Variants in PSG4 observed in about 807,000 individuals in gnomAD.
PSG4 encodes pregnancy specific beta-1-glycoprotein 4, also known as pregnancy-specific beta-1-glycoprotein 4.
Under a neutral mutation model 44.3 loss-of-function variants are expected in PSG4, and 61 were observed. That is an observed-to-expected ratio of 1.38 (90% CI 1.12 to 1.70). The LOEUF (loss-of-function observed/expected upper bound fraction) is 1.70. Among genes scored for constraint, PSG4 ranks in the 40% most tolerant of loss-of-function variants. The probability of loss-of-function intolerance (pLI) is 0.00; values close to 1 mark genes in which losing one functional copy is unlikely to be tolerated. For synonymous variants in PSG4, 248 were observed against 191.3 expected (o/e 1.30, Z -2.45); for missense variants, 677 against 511.7 (o/e 1.32, Z -3.12).
chr19:43,193,698 C>A (rs1286181018), intron 5 of PSG4: 1 of 542,356 alleles, frequency 1.8e-6, no homozygotes, highest in Non-Finnish European at 3.3e-6. Flanking sequence ...AATAGGAAGC[C>A]AAACCAAGGC....
intron 2 of PSG4, chr19:43,203,581 T>G: frequency 2.6e-6 from 1 of 388,766 alleles, no homozygotes; most frequent in Non-Finnish European, 4.3e-6. Context: ...TCCAGGGTCT[T>G]TGTCAGCGTC....
rs137864736 is a variant in PSG4 at position 43,202,462 on chromosome 19, T to C, written c.430+1424A>G. On this transcript the variant is annotated intron_variant, in intron 2 of 5. Coordinates refer to ENST00000405312, the MANE Select transcript of PSG4 (RefSeq NM_002780.5). ...GGACAGGTGTGGCTAGAACCTCCTA[T>C]GATTCTGCATCCAACATCCAGTCTC... is the stretch of plus-strand genomic sequence containing the variant. Among the ~76,000 whole-genome samples the C allele has an allele frequency of 2.9e-4, 41 of 139,438 alleles. 6 individuals are homozygous for C. In the East Asian group the frequency reaches 9.8e-3, roughly 33 times the overall value. 91.5% of individuals were successfully genotyped at this position (139,438 alleles called of 152,430 possible).
chr19:43,195,018 T>A lies in PSG4; in HGVS notation c.965A>T (p.Asp322Val). ...IRDRYGGIRS[D>V]PVTLNVLYGP... is the part of the protein sequence containing the mutation. ...ACAGAGGACATTCAGGGTGACTGGG[T>A]CACTGCGGATGCCACCATATCGGTC... is the stretch of plus-strand genomic sequence containing the variant. The change falls in exon 4 of 6, where the codon GAC becomes GTC. Residue 322 changes from aspartate to valine, a missense_variant. Transcript: ENST00000405312. 6.2e-7 allele frequency: 1 copy of A among 1,611,910 alleles called. No homozygotes were observed. Among genetic ancestry groups the A allele is most frequent in the Non-Finnish European group, 8.5e-7 (1 of 1,178,992 alleles).
rs1487200268 is a variant in PSG4 at position 43,204,845 on chromosome 19, T to C, written c.65-594A>G. On this transcript the variant is annotated intron_variant, in intron 1 of 5. Transcript: ENST00000405312. ...GATGTTTCTTTTTCCCCCCAATTGT[T>C]GAGGTTTCTTGCTGAGGACAGTGTT... 17 of 426,946 alleles carry C rather than the reference T, an allele frequency of 4.0e-5. 2 individuals carry two copies. The highest frequency in any genetic ancestry group is 2.6e-4 in the African/African-American group (11 of 42,444). The allele number at this position is 426,946 out of a possible 1,614,324, so 26.4% of individuals were successfully genotyped here. A position where few individuals can be genotyped will look rare whatever the true frequency, so the allele number is the denominator to read the frequency against.
At chr19:43,203,606 G>A (rs1361657263) in intron 2 of PSG4, 2 of 476,028 alleles carry the variant, frequency 4.2e-6, no homozygotes, top group Middle Eastern at 6.2e-4. Context: ...TTATGAAGAG[G>A]GCATGAGGTG....
chr19:43,196,248 T>A (rs1404704302), intron 3 of PSG4, among the ~76,000 whole-genome samples: 2 of 151,608 alleles, frequency 1.3e-5, no homozygotes, highest in Non-Finnish European at 2.9e-5. Flanking sequence ...TGGGTTCGAC[T>A]ACTCTAGGGA....
In PSG4 at chr19:43,204,822, TG is replaced by T. The variant is rs201880502; in HGVS notation, c.65-572del. On this transcript the variant is annotated intron_variant, in intron 1 of 5. Transcript: ENST00000405312. Reference sequence around the variant, plus strand: ...GTTCTCAGGGTCTCCACCCTCTGGATGTTTCTTTTTCCCCCCAATTGTTGAG... The same window carrying T: ...GTTCTCAGGGTCTCCACCCTCTGGATTTTCTTTTTCCCCCCAATTGTTGAG... 2,180 of 360,312 alleles carry T rather than the reference TG, an allele frequency of 6.1e-3. 335 individuals are homozygous for T. The African/African-American group carries it at 0.09, about 15-fold the overall frequency. The allele number at this position is 360,312 out of a possible 1,614,324, so 22.3% of individuals were successfully genotyped here. A position where few individuals can be genotyped will look rare whatever the true frequency, so the allele number is the denominator to read the frequency against.
chr19:43,204,106 C>T lies in PSG4; in HGVS notation c.210G>A (p.Gly70=), dbSNP rs781475457. 1 of 1,586,912 alleles carries T rather than the reference C, an allele frequency of 6.3e-7. No individual in the cohort carries two copies. Among genetic ancestry groups the T allele is most frequent in the Non-Finnish European group, 8.5e-7 (1 of 1,171,396 alleles). Residue 70 remains glycine, a synonymous_variant, in exon 2 of 6, where the codon GGG becomes GGA. Transcript: ENST00000405312. ...TGTAATGGTAGAGGTATGTCATTTG[C>T]CCTTTGTACCAAATGTAGCCAGCAA... ...QNLAGYIWYK[G]QMTYLYHYIT...
Position 43,195,103 on chromosome 19 carries a change from T to A in PSG4, c.880A>T (p.Ile294Phe), listed in dbSNP as rs1967180585. 1 of 1,610,788 alleles carries A rather than the reference T, an allele frequency of 6.2e-7. No individual in the cohort carries two copies. The highest frequency in any genetic ancestry group is 1.1e-5 in the South Asian group (1 of 90,974). ...PRVKRPIENR[I>F]LILPNVTRNE... ...CTCGTGACATTGGGTAGAATGAGGA[T>A]CCTGTTTTCAATGGGTCGCTTTACC... The change falls in exon 4 of 6, where the codon ATC becomes TTC. Residue 294 changes from isoleucine (I) to phenylalanine (F), a missense_variant. By Grantham distance (21) the Ile-to-Phe change is conservative (BLOSUM62 0). Coordinates refer to ENST00000405312, the MANE Select transcript of PSG4 (RefSeq NM_002780.5).
intron 3 of PSG4, 182 bp downstream of exon 3, chr19:43,197,815 C>T (rs1274611765): frequency 1.6e-6 from 2 of 1,249,202 alleles, no homozygotes; most frequent in Non-Finnish European, 2.2e-6. Context: ...AGCCTCTTTT[C>T]TCCTATTGTG....
Position 43,194,579 on chromosome 19 carries a change from G to A in PSG4, c.1004C>T (p.Pro335Leu). 6.2e-7 allele frequency: 1 copy of A among 1,611,576 alleles called. No individual in the cohort carries two copies. The highest frequency in any genetic ancestry group is 8.5e-7 in the Non-Finnish European group (1 of 1,178,604). ...TLNVLYGPDL[P>L]SIYPSFTYYR... is the part of the protein sequence containing the mutation. ...ATAGGTGAATGAAGGGTAAATGCTG[G>A]GGAGGTCTGGACCATCTGGCGCAAA... Residue 335 changes from proline to leucine, a missense_variant, in exon 5 of 6, where the codon CCC (proline) becomes CTC (leucine). Coordinates refer to ENST00000405312, the MANE Select transcript of PSG4 (RefSeq NM_002780.5).
rs1967074697 is a variant in PSG4, at chr19:43,192,780, G to A, written c.*592C>T. 1 of 186,674 alleles carries A rather than the reference G, an allele frequency of 5.4e-6. No homozygotes were observed. The highest frequency in any genetic ancestry group is 1.3e-4 in the South Asian group (1 of 7,708). The allele number at this position is 186,674 out of a possible 1,614,324, so 11.6% of individuals were successfully genotyped here. ...TTTACACTGTATCTCTTAGGAAATG[G>A]TGAGAGCCATCCACACAATGTGCAT... On this transcript the variant is annotated 3_prime_UTR_variant, in exon 6 of 6. Transcript: ENST00000405312.
rs1477930565 is a variant in PSG4 at position 43,193,215 on chromosome 19, TG to T, written c.*156del. On this transcript the variant is annotated 3_prime_UTR_variant, in exon 6 of 6. Coordinates refer to ENST00000405312, the MANE Select transcript of PSG4 (RefSeq NM_002780.5). ...GCTGTTGTTATGGTGTCGAACATTT[TG>T]GTGAGTTCTGAGTGGCTCACATGTC... 2.1e-5 allele frequency: 16 copies of T among 762,616 alleles called. 1 individual carries two copies. The African/African-American group carries it at 2.7e-4, about 13-fold the overall frequency. 47.2% of individuals were successfully genotyped at this position (762,616 alleles called of 1,614,324 possible). A position where few individuals can be genotyped will look rare whatever the true frequency, so the allele number is the denominator to read the frequency against.
At chr19:43,194,860 G>T in intron 4 of PSG4, 135 bp downstream of exon 4, 2 of 1,519,466 alleles carry the variant, frequency 1.3e-6, no homozygotes, top group Non-Finnish European at 1.8e-6. Context: ...TCCCAGGGCA[G>T]GGAGTCATGG....
Position 43,202,900 on chromosome 19 carries a change from G to A in PSG4, c.430+986C>T, listed in dbSNP as rs549173505. Among the ~76,000 whole-genome samples, 305 of 144,614 alleles carry A rather than the reference G, an allele frequency of 2.1e-3. 22 individuals are homozygous for A. The Middle Eastern group carries it at 0.025, about 12-fold the overall frequency. 94.9% of individuals were successfully genotyped at this position (144,614 alleles called of 152,430 possible). A position where few individuals can be genotyped will look rare whatever the true frequency, so the allele number is the denominator to read the frequency against. ...CTCACTTCTGGTGGAGGAGAGGAAG[G>A]GCCTGTGGCTGCAGACAGACCTCAT... On this transcript the variant is annotated intron_variant, in intron 2 of 5. Coordinates refer to ENST00000405312, the MANE Select transcript of PSG4 (RefSeq NM_002780.5).
At position 43,194,673 on chromosome 19, in the gene PSG4, T is replaced by A. The variant is rs970670316; in HGVS notation, c.989-79A>T. On this transcript the variant is annotated intron_variant, in intron 4 of 5. Transcript: ENST00000405312. ...TCCTGGTCTCTTAAAGGGACACAGT[T>A]ACCCTCTAAGCCAAGACACACCTTC... The A allele has an allele frequency of 1.3e-6, 2 of 1,540,582 alleles. 1 individual carries two copies. The highest frequency in any genetic ancestry group is 1.8e-6 in the Non-Finnish European group (2 of 1,142,242).
At chr19:43,201,616 G>A (rs1218065150) in intron 2 of PSG4, among the ~76,000 whole-genome samples, 3 of 144,612 alleles carry the variant, frequency 2.1e-5, no homozygotes, top group Non-Finnish European at 3.0e-5. Context: ...CCCTCCGCCC[G>A]CATGATTCCA....
chr19:43,194,519 A>G lies in PSG4; in HGVS notation c.1064T>C (p.Phe355Ser). The change falls in exon 5 of 6, where the codon TTC becomes TCC. Residue 355 changes from phenylalanine to serine, a missense_variant. By Grantham distance (155) the Phe-to-Ser change is radical. Transcript: ENST00000405312. ...TTGTGCCCGTGGGTTAGACTCGGCGAAGCAGGACAAGTAGAGGTTTTCTCC... is the reference window on the plus strand; with the variant it reads ...TTGTGCCCGTGGGTTAGACTCGGCGGAGCAGGACAAGTAGAGGTTTTCTCC... ...RSGENLYLSC[F>S]AESNPRAQYS... The G allele has an allele frequency of 1.9e-6, 3 of 1,612,568 alleles. No homozygotes were observed. The highest frequency in any genetic ancestry group is 3.3e-5 in the Admixed American group (2 of 59,912).
Position 43,197,076 on chromosome 19 carries a change from T to C in PSG4, c.709+921A>G, listed in dbSNP as rs538589677. 8.8e-4 allele frequency among the ~76,000 whole-genome samples: 128 copies of C among 146,210 alleles called. 9 individuals are homozygous for C. Among genetic ancestry groups the C allele is most frequent in the Non-Finnish European group, 1.6e-3 (108 of 67,294 alleles). On this transcript the variant is annotated intron_variant, in intron 3 of 5. Coordinates refer to ENST00000405312, the MANE Select transcript of PSG4 (RefSeq NM_002780.5). ...CTTTTTGATTAAACTTACTCCAAAATATTTTATTCCTTTTGATGTTAATGT... is the reference window on the plus strand; with the variant it reads ...CTTTTTGATTAAACTTACTCCAAAACATTTTATTCCTTTTGATGTTAATGT...
Sources: gnomAD v4.1 joint callset for allele counts (sites outside exome capture counted in the v4.1 genomes callset) on GRCh38, gnomAD v4.1.1 for gene constraint, MANE v1.5 for transcripts, NCBI Gene and HGNC (gene_info 2026-07-23, HGNC 2026-07-21) for gene names.